Variants in PKIB observed in about 807,000 individuals in gnomAD.
PKIB encodes cAMP-dependent protein kinase inhibitor beta.
In PKIB, 2 loss-of-function variants were observed where a neutral mutation model predicts 4.5. That is an observed-to-expected ratio of 0.44 (90% CI 0.18 to 1.39). The LOEUF (loss-of-function observed/expected upper bound fraction) is 1.39. Ranked by LOEUF, PKIB falls within the 40% of genes most tolerant of loss-of-function variation. PKIB has a pLI of 0.27. For missense variants in PKIB, 94 were observed against 92.6 expected, an observed-to-expected ratio of 1.02 and a Z score of -0.06; for synonymous variants, 38 against 36.0, an observed-to-expected ratio of 1.06 and a Z score of -0.20.
intron 2 of PKIB, among the ~76,000 whole-genome samples, chr6:122,538,458 T>C (rs1047488663): frequency 5.9e-5 from 9 of 152,122 alleles, no homozygotes; most frequent in African/African-American, 2.2e-4. Flanking sequence ...TTTCTTGTTT[T>C]TGTCAGGTTT....
intron 3 of PKIB, among the ~76,000 whole-genome samples, chr6:122,714,666 G>T (rs1779406995): frequency 6.6e-6 from 1 of 152,246 alleles, no homozygotes; most frequent in Admixed American, 6.5e-5. Flanking sequence ...CAGACATTGG[G>T]GTTCACTTGA....
intron 4 of PKIB, among the ~76,000 whole-genome samples, chr6:122,724,872 T>C (rs1038456968): frequency 6.6e-6 from 1 of 152,116 alleles, no homozygotes; most frequent in Non-Finnish European, 1.5e-5. Context: ...TTCATTTTAG[T>C]AATCTGTAAA....
chr6:122,626,093 GATAGAGAT>G (rs1288858720), intron 1 of PKIB, among the ~76,000 whole-genome samples: 7 of 152,104 alleles, frequency 4.6e-5, no homozygotes, highest in African/African-American at 1.7e-4. Context: ...TAGATAGATA[GATAGAGAT>G]AGATTAGAAG....
chr6:122,670,531 C>A (rs1218834748), intron 2 of PKIB, among the ~76,000 whole-genome samples: 1 of 112,386 alleles, frequency 8.9e-6, no homozygotes, highest in Non-Finnish European at 2.2e-5. Context: ...TGTTGTTAAA[C>A]CTCATCAGAC....
intron 3 of PKIB, among the ~76,000 whole-genome samples, chr6:122,690,481 G>A (rs112079996): frequency 1.6e-4 from 25 of 152,146 alleles, no homozygotes; most frequent in African/African-American, 6.0e-4. Context: ...TTAAACTGAT[G>A]ACAGCCTAAC....
chr6:122,636,490 C>A (rs571016029), intron 2 of PKIB, among the ~76,000 whole-genome samples: 44 of 151,784 alleles, frequency 2.9e-4, no homozygotes, highest in African/African-American at 9.9e-4. Flanking sequence ...AAGAAATGTA[C>A]AAGACTTAAG....
At chr6:122,711,345 C>T (rs1030717722) in intron 3 of PKIB, among the ~76,000 whole-genome samples, 3 of 152,230 alleles carry the variant, frequency 2.0e-5, no homozygotes, top group East Asian at 3.9e-4. Flanking sequence ...GAAAGAGTAC[C>T]GCCTAAACTT....
chr6:122,486,249 T>C (rs1775763504), intron 2 of PKIB, among the ~76,000 whole-genome samples: 1 of 152,192 alleles, frequency 6.6e-6, no homozygotes, highest in Admixed American at 6.5e-5. Context: ...TTTCTGGTTG[T>C]TTCAGATGAT....
intron 3 of PKIB, among the ~76,000 whole-genome samples, chr6:122,692,093 A>G (rs922252197): frequency 2.0e-4 from 31 of 152,350 alleles, no homozygotes; most frequent in Admixed American, 1.8e-3. Context: ...GAAGGGTGAC[A>G]CAAGCACCCC....
At chr6:122,530,187 A>G (rs1471166324) in intron 2 of PKIB, among the ~76,000 whole-genome samples, 1 of 151,836 alleles carries the variant, frequency 6.6e-6, no homozygotes, top group Non-Finnish European at 1.5e-5. Flanking sequence ...TCATTATTTC[A>G]TCTTAGTGAT....
At chr6:122,560,041 CTT>C (rs1772969015) in intron 2 of PKIB, among the ~76,000 whole-genome samples, 1 of 152,106 alleles carries the variant, frequency 6.6e-6, no homozygotes, top group African/African-American at 2.4e-5. Flanking sequence ...ATTTCTTTCT[CTT>C]GTTTGATTGC....
At chr6:122,686,850 TA>T (rs1778111586) in intron 3 of PKIB, among the ~76,000 whole-genome samples, 3 of 152,306 alleles carry the variant, frequency 2.0e-5, no homozygotes, top group South Asian at 4.1e-4. Context: ...GAGATCCTTA[TA>T]TATTTTAATT....
chr6:122,672,258 G>A (rs1205188122), intron 2 of PKIB, among the ~76,000 whole-genome samples: 2 of 152,110 alleles, frequency 1.3e-5, no homozygotes, highest in African/African-American at 4.8e-5. Flanking sequence ...GAAGCCCGAG[G>A]TACCCAGAGC....
intron 2 of PKIB, chr6:122,482,083 C>G (rs986478325): frequency 6.6e-6 from 1 of 151,974 alleles, no homozygotes; most frequent in African/African-American, 2.4e-5. Flanking sequence ...GCCTCAGCCT[C>G]GCGAGTAGCT....
In PKIB at chr6:122,553,483, T is replaced by G. The variant is rs971217227; in HGVS notation, c.-247-32438T>G. On this transcript the variant is annotated intron_variant, in intron 2 of 6. Transcript: ENST00000392491. ...TCTCAAGATTGCTCAAATATCTTCT[T>G]TTTTTTTTTTTTTTTTTTTTCTGAA... Among the ~76,000 whole-genome samples, 24 of 71,262 alleles carry G rather than the reference T, an allele frequency of 3.4e-4. No homozygotes were observed. In the East Asian group the frequency reaches 9.9e-3, roughly 29 times the overall value. 46.8% of individuals were successfully genotyped at this position (71,262 alleles called of 152,430 possible).
intron 2 of PKIB, among the ~76,000 whole-genome samples, chr6:122,650,667 C>T (rs1191975911): frequency 6.6e-6 from 1 of 152,110 alleles, no homozygotes; most frequent in Non-Finnish European, 1.5e-5. Context: ...CAGCAATTCC[C>T]ACTGTAATGT....
At chr6:122,538,923 A>G (rs908880016) in intron 2 of PKIB, among the ~76,000 whole-genome samples, 18 of 151,826 alleles carry the variant, frequency 1.2e-4, no homozygotes, top group Non-Finnish European at 2.1e-4. Flanking sequence ...ATTCCTAGGT[A>G]TTTTATTCTC....
intron 1 of PKIB, among the ~76,000 whole-genome samples, chr6:122,623,028 C>G (rs552971602): frequency 9.2e-4 from 140 of 152,228 alleles, no homozygotes; most frequent in African/African-American, 3.3e-3. Context: ...ACGTAACTTT[C>G]CAATTAGCAC....
At chr6:122,578,845 T>TA (rs1773625392) in intron 2 of PKIB, among the ~76,000 whole-genome samples, 2 of 152,198 alleles carry the variant, frequency 1.3e-5, no homozygotes, top group South Asian at 4.1e-4. Flanking sequence ...ACCCTCATGC[T>TA]GTTGTTCTCA....
Sources: gnomAD v4.1 joint callset for allele counts (sites outside exome capture counted in the v4.1 genomes callset) on GRCh38, gnomAD v4.1.1 for gene constraint, MANE v1.5 for transcripts, NCBI Gene and HGNC (gene_info 2026-07-23, HGNC 2026-07-21) for gene names.